CNOT8: variants seen among roughly 807,000 people sequenced by gnomAD.
The protein encoded by CNOT8 is CAF1-like protein.
Under a neutral mutation model 34.6 loss-of-function variants are expected in CNOT8, and 18 were observed. The ratio of observed to expected loss-of-function variants is 0.52; its 90% CI spans 0.36 to 0.77. The LOEUF (loss-of-function observed/expected upper bound fraction) is 0.77. Among genes scored for constraint, CNOT8 ranks in the 30% least tolerant of loss-of-function variants. CNOT8 has a pLI of 0.00. For missense variants in CNOT8, 189 were observed against 347.9 expected (o/e 0.54, Z 3.63); for synonymous variants, 101 against 118.8 (o/e 0.85, Z 0.98).
At chr5:154,865,533 G>A in intron 3 of CNOT8, 148 bp downstream of exon 3, 1 of 533,656 alleles carries the variant, frequency 1.9e-6, no homozygotes, top group Non-Finnish European at 3.2e-6. Context: ...GCTCAACAAT[G>A]AAAAGATAAA....
chr5:154,870,521 G>A (rs978762974), intron 3 of CNOT8, 140 bp from the exon 4 acceptor site: 4 of 588,322 alleles, frequency 6.8e-6, no homozygotes, highest in African/African-American at 3.8e-5. Context: ...TTTGAATGTT[G>A]GAAAGAGTGA....
intron 1 of CNOT8, among the ~76,000 whole-genome samples, chr5:154,862,494 TA>T (rs1218380849): frequency 6.6e-6 from 1 of 152,068 alleles, no homozygotes; most frequent in Non-Finnish European, 1.5e-5. Context: ...AAATACTAAC[TA>T]AAATTCTGAT....
Position 154,863,492 on chromosome 5 carries a change from C to T in CNOT8, c.117+97C>T, listed in dbSNP as rs539940431. 1.1e-5 allele frequency: 9 copies of T among 844,646 alleles called. No homozygotes were observed. In the East Asian group the frequency reaches 1.5e-4, roughly 14 times the overall value. The allele number at this position is 844,646 out of a possible 1,614,324, so 52.3% of individuals were successfully genotyped here. On this transcript the variant is annotated intron_variant, in intron 2 of 6. Transcript: ENST00000285896. Reference sequence around the variant, plus strand: ...GGAGTGCGGTGGCTATTCACAGATGCAATCATAGCTCACTGCAGCCTTGAA... The same window carrying T: ...GGAGTGCGGTGGCTATTCACAGATGTAATCATAGCTCACTGCAGCCTTGAA...
At chr5:154,863,451 C>G in intron 2 of CNOT8, 56 bp downstream of exon 2, 3 of 1,293,500 alleles carry the variant, frequency 2.3e-6, no homozygotes, top group Non-Finnish European at 3.4e-6. Flanking sequence ...TGGGGTCTTG[C>G]TCTGTTGCCC....
intron 3 of CNOT8, among the ~76,000 whole-genome samples, chr5:154,869,415 G>T (rs1244574657): frequency 6.8e-6 from 1 of 147,682 alleles, no homozygotes; most frequent in African/African-American, 2.5e-5. Context: ...CACCCCACCC[G>T]GCCTTGTTGG....
At position 154,875,450 on chromosome 5, in the gene CNOT8, C is replaced by T. The variant is rs773500011; in HGVS notation, c.*11C>T. On this transcript the variant is annotated 3_prime_UTR_variant, in exon 7 of 7. Transcript: ENST00000285896. The stretch of plus-strand genomic sequence containing the variant: ...AACATGCAGCAGTGATGGCGCCAGG[C>T]TCTGCAGGGTGGGCCTGATCCCAGA... 1 of 1,612,708 alleles carries T rather than the reference C, an allele frequency of 6.2e-7. No homozygotes were observed. Among genetic ancestry groups the T allele is most frequent in the South Asian group, 1.1e-5 (1 of 91,012 alleles).
rs2113428362 is a variant in CNOT8 at position 154,876,628 on chromosome 5, A to G, written c.*1189A>G. On this transcript the variant is annotated 3_prime_UTR_variant, in exon 7 of 7. Transcript: ENST00000285896. ...GGATTGGTGGAAGTAAAAACTGGTA[A>G]CTCACTCAAGTGAATGAATGGTCTT... is the stretch of plus-strand genomic sequence containing the variant. 6.5e-6 allele frequency: 1 copy of G among 152,736 alleles called. No individual in the cohort carries two copies. Among genetic ancestry groups the G allele is most frequent in the East Asian group, 1.9e-4 (1 of 5,190 alleles). 9.5% of individuals were successfully genotyped at this position (152,736 alleles called of 1,614,324 possible).
intron 6 of CNOT8, among the ~76,000 whole-genome samples, chr5:154,873,944 CA>C (rs899688530): frequency 3.3e-5 from 5 of 152,132 alleles, no homozygotes; most frequent in African/African-American, 1.2e-4. Context: ...CAAGTTCCCC[CA>C]AATAATTATC....
chr5:154,863,470 G>T, intron 2 of CNOT8, 75 bp downstream of exon 2: 1 of 1,044,770 alleles, frequency 9.6e-7, no homozygotes, highest in Non-Finnish European at 1.5e-6. Flanking sequence ...CCAGGCTGGA[G>T]TGCGGTGGCT....
At chr5:154,866,497 G>C (rs114494038) in intron 3 of CNOT8, among the ~76,000 whole-genome samples, 1,838 of 152,206 alleles carry the variant, frequency 0.012, 39 homozygotes, top group African/African-American at 0.042. Context: ...TCCTTTAACT[G>C]CATTTTTTAG....
intron 3 of CNOT8, 112 bp downstream of exon 3, chr5:154,865,497 G>GTTA: frequency 1.6e-6 from 1 of 639,200 alleles, no homozygotes; most frequent in Non-Finnish European, 2.5e-6. Flanking sequence ...CTCAGCAAGT[G>GTTA]AAGTCCTGCT....
At chr5:154,866,810 G>C (rs1332562822) in intron 3 of CNOT8, among the ~76,000 whole-genome samples, 2 of 152,164 alleles carry the variant, frequency 1.3e-5, no homozygotes, top group Non-Finnish European at 2.9e-5. Flanking sequence ...CTACTCAGGA[G>C]GCTGAGGTGG....
intron 3 of CNOT8, chr5:154,867,661 T>C (rs1317060648): frequency 7.5e-6 from 2 of 265,978 alleles, no homozygotes; most frequent in Non-Finnish European, 1.5e-5. Context: ...AATTTCTTTC[T>C]TTCTTCAAAG....
Position 154,858,652 on chromosome 5 carries a change from G to C in CNOT8, c.-189G>C, listed in dbSNP as rs994823118. Reference sequence around the variant, plus strand: ...GTTCGGTTCTAGGAGCAGATCCGGGGTAGAGGGAAAAGAGCTCCGGGCCAG... The same window carrying C: ...GTTCGGTTCTAGGAGCAGATCCGGGCTAGAGGGAAAAGAGCTCCGGGCCAG... On this transcript the variant is annotated 5_prime_UTR_variant, in exon 1 of 7. Transcript: ENST00000285896. The C allele has an allele frequency of 7.2e-5, 11 of 152,204 alleles. No homozygotes were observed. The highest frequency in any genetic ancestry group is 2.7e-4 in the African/African-American group (11 of 41,426). 9.4% of individuals were successfully genotyped at this position (152,204 alleles called of 1,614,324 possible).
At chr5:154,869,406 A>T (rs991670905) in intron 3 of CNOT8, among the ~76,000 whole-genome samples, 1 of 139,456 alleles carries the variant, frequency 7.2e-6, no homozygotes, top group African/African-American at 2.7e-5. Context: ...GGCGTGAGCC[A>T]CCCCACCCGG....
intron 6 of CNOT8, among the ~76,000 whole-genome samples, chr5:154,874,717 T>C (rs1341352308): frequency 6.6e-6 from 1 of 150,482 alleles, no homozygotes; most frequent in African/African-American, 2.4e-5. Flanking sequence ...GTATTTTTAG[T>C]AGAGACAGGG....
chr5:154,871,335 GAT>G (rs1762462130), intron 4 of CNOT8, among the ~76,000 whole-genome samples: 1 of 152,064 alleles, frequency 6.6e-6, no homozygotes, highest in Non-Finnish European at 1.5e-5. Flanking sequence ...GAGAAAGGTG[GAT>G]CACCTGAGGT....
intron 6 of CNOT8, among the ~76,000 whole-genome samples, chr5:154,873,419 C>G (rs767462943): frequency 2.6e-5 from 4 of 152,012 alleles, no homozygotes; most frequent in Non-Finnish European, 5.9e-5. Flanking sequence ...TTTCTGATTC[C>G]TGTAATAGAA....
chr5:154,861,262 T>C (rs564858958), intron 1 of CNOT8, among the ~76,000 whole-genome samples: 74 of 152,334 alleles, frequency 4.9e-4, no homozygotes, highest in Admixed American at 1.0e-3. Flanking sequence ...TTTGCAAGCC[T>C]GTAATAGAAC....
Sources: allele counts gnomAD v4.1 joint callset (sites outside exome capture counted in the v4.1 genomes callset), GRCh38; gene constraint gnomAD v4.1.1; transcripts MANE v1.5; gene names NCBI Gene and HGNC (gene_info 2026-07-23, HGNC 2026-07-21).